Variants in CCT6B observed in about 807,000 individuals in gnomAD.
The protein encoded by CCT6B is probable T-complex protein 1 subunit zeta-2.
CCT6B carries 49 observed loss-of-function variants against 61.5 expected under a neutral mutation model. The observed-to-expected ratio is 0.80, with a 90% confidence interval of 0.63 to 1.01. CCT6B has a LOEUF of 1.01. Ranked by LOEUF, CCT6B falls within the 50% of genes least tolerant of loss-of-function variation. The probability of loss-of-function intolerance (pLI) is 0.00; values close to 1 mark genes in which losing one functional copy is unlikely to be tolerated. For missense variants in CCT6B, 666 were observed against 634.7 expected (o/e 1.05, Z -0.53); for synonymous variants, 228 against 214.5 (o/e 1.06, Z -0.55).
rs1189554667 is a variant in CCT6B, at chr17:34,938,264, A to C, written c.1213+919T>G. ...AGATATACAAAGGGCAAATAAACACATTAAAAGATGCTCAACATGGGCTGA... is the reference window on the plus strand; with the variant it reads ...AGATATACAAAGGGCAAATAAACACCTTAAAAGATGCTCAACATGGGCTGA... On this transcript the variant is annotated intron_variant, in intron 10 of 13. Coordinates refer to ENST00000314144, the MANE Select transcript of CCT6B (RefSeq NM_006584.4). Among the ~76,000 whole-genome samples, 3 of 152,156 alleles carry C rather than the reference A, an allele frequency of 2.0e-5. No homozygotes were observed. The East Asian group carries it at 5.8e-4, about 29-fold the overall frequency.
intron 10 of CCT6B, among the ~76,000 whole-genome samples, chr17:34,934,989 A>G (rs1213779511): frequency 1.3e-5 from 2 of 152,268 alleles, no homozygotes; most frequent in South Asian, 4.1e-4. Context: ...ATTATTCACA[A>G]TAGCCAAAAG....
chr17:34,931,261 C>T (rs573375931), intron 11 of CCT6B, among the ~76,000 whole-genome samples: 3 of 152,104 alleles, frequency 2.0e-5, no homozygotes, highest in East Asian at 3.9e-4. Flanking sequence ...CCCCTATGCA[C>T]GTCACACTAA....
intron 13 of CCT6B, 89 bp downstream of exon 13, chr17:34,928,873 A>G: frequency 1.3e-6 from 1 of 756,528 alleles, no homozygotes; most frequent in Non-Finnish European, 2.2e-6. Context: ...TTTCCACTGT[A>G]CAGGGACAAA....
At chr17:34,959,122 A>AATTT (rs2090381379) in intron 2 of CCT6B, among the ~76,000 whole-genome samples, 1 of 91,836 alleles carries the variant, frequency 1.1e-5, no homozygotes, top group Non-Finnish European at 2.2e-5. Context: ...AAAAAAAAAA[A>AATTT]CTTTTTTTTT....
At chr17:34,932,796 T>G (rs2090051426) in intron 10 of CCT6B, among the ~76,000 whole-genome samples, 2 of 152,208 alleles carry the variant, frequency 1.3e-5, no homozygotes, top group South Asian at 4.1e-4. Flanking sequence ...TACTTTTTTT[T>G]TCTGAGATGG....
rs749244601 is a variant in CCT6B, at chr17:34,942,558, C to T, written c.811G>A (p.Val271Ile). 4.4e-6 allele frequency: 7 copies of T among 1,607,334 alleles called. No homozygotes were observed. In the South Asian group the frequency reaches 5.6e-5, roughly 13 times the overall value. Residue 271 changes from valine (V) to isoleucine (I), a missense_variant, in exon 7 of 14, where the codon GTA (valine) becomes ATA (isoleucine). Physicochemically the swap from Val to Ile is conservative, Grantham distance 29. Transcript: ENST00000314144. ...KAERKFIEDR[V>I]QKIIDLKDKV... is the part of the protein sequence containing the mutation. ...TCCTTCAGGTCTATTATTTTTTGTA[C>T]TCTATCTTCAATAAATTTTCTTTCA...
At chr17:34,946,067 A>G (rs2090220335) in intron 5 of CCT6B, among the ~76,000 whole-genome samples, 1 of 152,240 alleles carries the variant, frequency 6.6e-6, no homozygotes. Context: ...AAAGGGCTAC[A>G]TACTCAGGAT....
At chr17:34,934,622 C>G (rs764426502) in intron 10 of CCT6B, among the ~76,000 whole-genome samples, 41 of 152,096 alleles carry the variant, frequency 2.7e-4, no homozygotes, top group Non-Finnish European at 3.7e-4. Flanking sequence ...AAAAACAAAA[C>G]CTTTATAGCC....
intron 5 of CCT6B, among the ~76,000 whole-genome samples, chr17:34,944,739 A>T (rs973134106): frequency 1.3e-5 from 2 of 152,220 alleles, no homozygotes; most frequent in Admixed American, 6.5e-5. Flanking sequence ...ATCCTGGCTA[A>T]CACGGTGAAA....
At position 34,937,281 on chromosome 17, in the gene CCT6B, A is replaced by T. The variant is rs1388890501; in HGVS notation, c.1213+1902T>A. On this transcript the variant is annotated intron_variant, in intron 10 of 13. Transcript: ENST00000314144. ...AGACTTAGAATGACCAAAATAACTT[A>T]AAAAAAAAATGAGAGTTAACAATAC... Among the ~76,000 whole-genome samples, 6 of 149,600 alleles carry T rather than the reference A, an allele frequency of 4.0e-5. No homozygotes were observed. The East Asian group carries it at 7.8e-4, about 20-fold the overall frequency.
chr17:34,951,126 A>G (rs539443730), intron 5 of CCT6B, among the ~76,000 whole-genome samples: 25 of 152,292 alleles, frequency 1.6e-4, no homozygotes, highest in African/African-American at 5.3e-4. Flanking sequence ...CACTATACAG[A>G]CTGTGCGTAG....
rs116395589 is a variant in CCT6B, at chr17:34,961,369, A to G, written c.25T>C (p.Ser9Pro). The change falls in exon 1 of 14, where the codon TCC becomes CCC. Residue 9 changes from serine to proline, a missense_variant. Ser to Pro is a moderately conservative substitution (Grantham distance 74, BLOSUM62 -1). Coordinates refer to ENST00000314144, the MANE Select transcript of CCT6B (RefSeq NM_006584.4). ...CGGGCCCGCGCCACCTCAGCCTTGGAGTTGACGGCCTTTATCGCAGCCATA... is the reference window on the plus strand; with the variant it reads ...CGGGCCCGCGCCACCTCAGCCTTGGGGTTGACGGCCTTTATCGCAGCCATA... MAAIKAVN[S>P]KAEVARARAA... is the part of the protein sequence containing the mutation. The G allele has an allele frequency of 3.1e-6, 5 of 1,610,380 alleles. No homozygotes were observed. The East Asian group carries it at 1.1e-4, about 36-fold the overall frequency.
chr17:34,930,935 CT>C lies in CCT6B; in HGVS notation c.1450+13del. On this transcript the variant is annotated intron_variant, in intron 12 of 13. Coordinates refer to ENST00000314144, the MANE Select transcript of CCT6B (RefSeq NM_006584.4). Reference sequence around the variant, plus strand: ...CCTCTTTATTAAGCAGCTAATTTTCCTTCACTTTCTTACCTGTATTCAAATC... The same window carrying C: ...CCTCTTTATTAAGCAGCTAATTTTCCTCACTTTCTTACCTGTATTCAAATC... The C allele has an allele frequency of 7.0e-7, 1 of 1,438,772 alleles. No individual in the cohort carries two copies. 89.1% of individuals were successfully genotyped at this position (1,438,772 alleles called of 1,614,324 possible). A position where few individuals can be genotyped will look rare whatever the true frequency, so the allele number is the denominator to read the frequency against.
intron 12 of CCT6B, 35 bp from the exon 13 acceptor site, chr17:34,929,069 T>C (rs1457264786): frequency 1.1e-5 from 14 of 1,260,108 alleles, no homozygotes; most frequent in Non-Finnish European, 1.5e-5. Context: ...ACCAAAATCT[T>C]AGTATTTGCT....
intron 5 of CCT6B, among the ~76,000 whole-genome samples, chr17:34,944,982 G>A (rs2090207814): frequency 6.6e-6 from 1 of 152,158 alleles, no homozygotes; most frequent in East Asian, 1.9e-4. Context: ...CTCAGTTCAC[G>A]GCAATGTACT....
At chr17:34,948,761 G>A (rs2090254862) in intron 5 of CCT6B, among the ~76,000 whole-genome samples, 1 of 150,766 alleles carries the variant, frequency 6.6e-6, no homozygotes, top group African/African-American at 2.4e-5. Context: ...CTGGCATGGT[G>A]GCTCATTCTG....
chr17:34,959,793 T>C (rs2090391572), intron 1 of CCT6B, 143 bp from the exon 2 acceptor site: 2 of 593,720 alleles, frequency 3.4e-6, no homozygotes, highest in Non-Finnish European at 6.1e-6. Flanking sequence ...TACCACCATT[T>C]GCAGCTCACA....
chr17:34,939,864 C>A, intron 8 of CCT6B, 151 bp from the exon 9 acceptor site: 1 of 616,648 alleles, frequency 1.6e-6, no homozygotes, highest in African/African-American at 1.8e-5. Context: ...CTATATTTAT[C>A]GAGTACAACA....
intron 5 of CCT6B, among the ~76,000 whole-genome samples, chr17:34,950,523 T>C (rs1384451902): frequency 1.3e-5 from 2 of 152,222 alleles, no homozygotes; most frequent in African/African-American, 4.8e-5. Context: ...GAACACTTTA[T>C]ACCAAAAATT....
Sources: allele counts gnomAD v4.1 joint callset (sites outside exome capture counted in the v4.1 genomes callset), GRCh38; gene constraint gnomAD v4.1.1; transcripts MANE v1.5; gene names NCBI Gene and HGNC (gene_info 2026-07-23, HGNC 2026-07-21).